GABRB1: variants seen among roughly 807,000 people sequenced by gnomAD.
The protein encoded by GABRB1 is gamma-aminobutyric acid receptor subunit beta-1.
In GABRB1, 17 loss-of-function variants were observed where a neutral mutation model predicts 51.6. The observed-to-expected ratio is 0.33, with a 90% confidence interval of 0.23 to 0.49. The LOEUF is 0.49. GABRB1 is among the 20% of genes least tolerant of loss of function. The pLI, the probability that GABRB1 is intolerant of heterozygous loss-of-function variation, is 0.99. For synonymous variants in GABRB1, 247 were observed against 218.9 expected (o/e 1.13, Z -1.14); for missense variants, 410 against 600.6 (o/e 0.68, Z 3.32).
At chr4:47,242,251 G>A (rs1721553305) in intron 4 of GABRB1, among the ~76,000 whole-genome samples, 2 of 152,182 alleles carry the variant, frequency 1.3e-5, no homozygotes, top group Non-Finnish European at 2.9e-5. Context: ...ATTCCATGGT[G>A]TATATGTGCC....
chr4:47,007,073 G>A (rs993501139), intron 1 of GABRB1, among the ~76,000 whole-genome samples: 2 of 151,838 alleles, frequency 1.3e-5, no homozygotes, highest in African/African-American at 4.8e-5. Context: ...CTAGGAGGCC[G>A]AGGCTGTAGG....
chr4:47,376,658 A>T (rs1578132353), intron 5 of GABRB1, among the ~76,000 whole-genome samples: 1 of 152,314 alleles, frequency 6.6e-6, no homozygotes, highest in East Asian at 1.9e-4. Context: ...AAAACAAAAA[A>T]CAAAAAAGAA....
intron 4 of GABRB1, among the ~76,000 whole-genome samples, chr4:47,247,570 T>C (rs1721813372): frequency 6.6e-6 from 1 of 152,104 alleles, no homozygotes. Context: ...GATGGTGGTA[T>C]TTTGATGGGG....
At chr4:47,396,305 G>A (rs1728179478) in intron 5 of GABRB1, among the ~76,000 whole-genome samples, 1 of 152,056 alleles carries the variant, frequency 6.6e-6, no homozygotes, top group Admixed American at 6.5e-5. Flanking sequence ...AGAACAGTAT[G>A]GGGGAAACTA....
chr4:47,367,109 C>T (rs954483228), intron 5 of GABRB1, among the ~76,000 whole-genome samples: 2 of 152,108 alleles, frequency 1.3e-5, no homozygotes, highest in African/African-American at 4.8e-5. Flanking sequence ...GGCCTTTATC[C>T]TCCTCTCTGC....
Position 47,132,500 on chromosome 4 carries a change from T to C in GABRB1, c.241-28749T>C, listed in dbSNP as rs562458785. On this transcript the variant is annotated intron_variant, in intron 3 of 8. Transcript: ENST00000295454. ...AGATATTTTTAGAGGATAGGATTTG[T>C]TTTTCCTTTTGTTTTTAGTTCAAGA... Among the ~76,000 whole-genome samples, 103 of 152,288 alleles carry C rather than the reference T, an allele frequency of 6.8e-4. 2 individuals carry two copies. In the South Asian group the frequency reaches 0.021, roughly 31 times the overall value.
chr4:47,173,132 C>CT (rs1282678712), intron 4 of GABRB1, among the ~76,000 whole-genome samples: 1 of 152,100 alleles, frequency 6.6e-6, no homozygotes, highest in Non-Finnish European at 1.5e-5. Flanking sequence ...ATTCTTACCC[C>CT]TTTTTAAATA....
chr4:47,143,871 C>T (rs1717039846), intron 3 of GABRB1, among the ~76,000 whole-genome samples: 1 of 151,786 alleles, frequency 6.6e-6, no homozygotes, highest in African/African-American at 2.4e-5. Context: ...TAGCTATTGT[C>T]TTTTTCTGGA....
upstream of GABRB1, among the ~76,000 whole-genome samples, chr4:47,029,637 A>G (rs576273149): frequency 6.6e-6 from 1 of 152,112 alleles, no homozygotes; most frequent in South Asian, 2.1e-4. Flanking sequence ...ACAGTCATAA[A>G]GATATTCTCC....
intron 5 of GABRB1, among the ~76,000 whole-genome samples, chr4:47,401,997 A>G (rs1221356703): frequency 1.3e-5 from 2 of 152,228 alleles, no homozygotes; most frequent in Admixed American, 1.3e-4. Context: ...CAATATGCCA[A>G]TTAGTCCCAT....
chr4:47,013,368 C>T (rs1724640216), intron 1 of GABRB1, among the ~76,000 whole-genome samples: 1 of 152,124 alleles, frequency 6.6e-6, no homozygotes, highest in African/African-American at 2.4e-5. Flanking sequence ...CCATGTTGGC[C>T]AGGCTGGTTT....
intron 4 of GABRB1, among the ~76,000 whole-genome samples, chr4:47,304,665 C>A (rs1487773247): frequency 6.6e-6 from 1 of 151,894 alleles, no homozygotes; most frequent in African/African-American, 2.4e-5. Context: ...GGAAATTAAG[C>A]AAATTTAGAT....
At chr4:47,239,335 A>C (rs1231207271) in intron 4 of GABRB1, among the ~76,000 whole-genome samples, 2 of 152,178 alleles carry the variant, frequency 1.3e-5, no homozygotes, top group African/African-American at 4.8e-5. Flanking sequence ...CATTGTGTGA[A>C]TATATCACAT....
intron 5 of GABRB1, among the ~76,000 whole-genome samples, chr4:47,350,267 G>T (rs1450301756): frequency 7.4e-6 from 1 of 134,820 alleles, no homozygotes; most frequent in Non-Finnish European, 1.5e-5. Flanking sequence ...TCATTAATGT[G>T]TGTATATATA....
In GABRB1 at chr4:47,281,108, C is replaced by A. The variant is rs183282603; in HGVS notation, c.462-39019C>A. ...AACAATTAACAGAGTGAAGAGACAA[C>A]CTATTGACTGGGAAAACAATATTTA... On this transcript the variant is annotated intron_variant, in intron 4 of 8. Transcript: ENST00000295454. Among the ~76,000 whole-genome samples, 281 of 152,138 alleles carry A rather than the reference C, an allele frequency of 1.8e-3. 2 individuals carry two copies. Among genetic ancestry groups the A allele is most frequent in the Middle Eastern group, 0.017 (5 of 294 alleles).
chr4:47,267,149 G>T (rs1722668949), intron 4 of GABRB1, among the ~76,000 whole-genome samples: 1 of 152,070 alleles, frequency 6.6e-6, no homozygotes, highest in Admixed American at 6.6e-5. Flanking sequence ...AAGAGACAGA[G>T]GGGGTAAATA....
intron 3 of GABRB1, among the ~76,000 whole-genome samples, chr4:47,131,527 T>C (rs1577936495): frequency 6.6e-6 from 1 of 152,210 alleles, no homozygotes; most frequent in African/African-American, 2.4e-5. Flanking sequence ...AAAGTAATTG[T>C]TGTTTTTGCT....
At chr4:47,233,543 A>G (rs1024570933) in intron 4 of GABRB1, among the ~76,000 whole-genome samples, 1 of 152,124 alleles carries the variant, frequency 6.6e-6, no homozygotes, top group Non-Finnish European at 1.5e-5. Flanking sequence ...TATGATTCTC[A>G]ATAAAGTATT....
chr4:47,028,395 G>A, upstream of GABRB1, among the ~76,000 whole-genome samples: 1 of 151,638 alleles, frequency 6.6e-6, no homozygotes, highest in Non-Finnish European at 1.5e-5. Flanking sequence ...ACCCTACTCT[G>A]CTATCAAATA....
Sources: gnomAD v4.1 joint callset for allele counts (sites outside exome capture counted in the v4.1 genomes callset) on GRCh38, gnomAD v4.1.1 for gene constraint, MANE v1.5 for transcripts, NCBI Gene and HGNC (gene_info 2026-07-23, HGNC 2026-07-21) for gene names.